Variants in DST observed in about 807,000 individuals in gnomAD.
DST encodes the protein bullous pemphigoid antigen.
Under a neutral mutation model 875.2 loss-of-function variants are expected in DST, and 253 were observed. The ratio of observed to expected loss-of-function variants is 0.29; its 90% confidence interval spans 0.26 to 0.32. The LOEUF is 0.32. Ranked by LOEUF, DST falls within the 10% of genes least tolerant of loss-of-function variation. The pLI is 1.00. For missense variants in DST, 8,287 were observed against 9,111.6 expected (o/e 0.91, Z 3.68); for synonymous variants, 3,124 against 3,197.1 (o/e 0.98, Z 0.77).
chr6:56,640,503 T>C lies in DST; in HGVS notation c.2130A>G (p.Ile710Met). 1 of 1,614,192 alleles carries C rather than the reference T, an allele frequency of 6.2e-7. No homozygotes were observed. Among genetic ancestry groups the C allele is most frequent in the Non-Finnish European group, 8.5e-7 (1 of 1,180,004 alleles). ...AGTTTAAACTTTGAGTGATTCCTGA[T>C]ATCATGAGCTTTGTCTGTTCTGTTG... ...ILTTEQTKLM[I>M]SGITQSLNSG... is the part of the protein sequence containing the mutation. The change falls in exon 18 of 104, where the codon ATA (isoleucine) becomes ATG (methionine). Residue 710 changes from isoleucine to methionine, a missense_variant. Physicochemically the swap from Ile to Met is conservative, Grantham distance 10 (BLOSUM62 1). Coordinates refer to ENST00000680361, the MANE Select transcript of DST (RefSeq NM_001374736.1).
intron 4 of DST, among the ~76,000 whole-genome samples, chr6:56,800,545 C>A (rs534486306): frequency 2.0e-5 from 3 of 152,182 alleles, no homozygotes; most frequent in Admixed American, 6.5e-5. Context: ...ATGAGAACAT[C>A]CCCAGCGAAA....
rs375128255 is a variant in DST at position 56,572,260 on chromosome 6, T to C, written c.13561A>G (p.Thr4521Ala). Residue 4521 changes from threonine to alanine, a missense_variant, in exon 53 of 104, where the codon ACT becomes GCT. Thr to Ala is a moderately conservative substitution (Grantham distance 58, BLOSUM62 0). Around this residue, in one of 10 missense-constraint regions of DST, gnomAD observed 1,513 missense variants for 1,677.8 expected, o/e 0.90. Transcript: ENST00000680361. Reference protein sequence around the residue: ...TELSQYMQESTSEFLEHKKHL... With the variant: ...TELSQYMQESASEFLEHKKHL... ...TTCTTGTGTTCTAAAAATTCAGAAG[T>C]TGATTCCTACAAAGCATTAAGATAT... is the stretch of plus-strand genomic sequence containing the variant. 8.3e-6 allele frequency: 13 copies of C among 1,556,918 alleles called. No individual in the cohort carries two copies. In the African/African-American group the frequency reaches 1.8e-4, roughly 21 times the overall value.
intron 4 of DST, among the ~76,000 whole-genome samples, chr6:56,784,389 C>T (rs1474837538): frequency 3.3e-5 from 5 of 152,218 alleles, no homozygotes; most frequent in Admixed American, 6.5e-5. Context: ...GGTCTTTTCA[C>T]ATAGTCCCAT....
chr6:56,871,776 T>TAAAAAAAAAAA (rs746142378), intron 3 of DST: 84 of 94,984 alleles, frequency 8.8e-4, no homozygotes, highest in Non-Finnish European at 1.2e-3. Flanking sequence ...CAATTAAAAG[T>TAAAAAAAAAAA]AAAAAAAAAA....
At chr6:56,616,747 T>A in intron 36 of DST, 1 of 1,614,204 alleles carries the variant, frequency 6.2e-7, no homozygotes, top group Non-Finnish European at 8.5e-7. Context: ...TATGTTTACC[T>A]TTTTGTCTGT....
rs574201663 is a variant in DST, at chr6:56,478,974, A to G, written c.21532-1486T>C. ...CAACAAAAGATAGAATCAACAGAGT[A>G]AACAGTTAACCTACAGAATGGGAGA... is the stretch of plus-strand genomic sequence containing the variant. On this transcript the variant is annotated intron_variant, in intron 90 of 103. Transcript: ENST00000680361. 3.3e-5 allele frequency among the ~76,000 whole-genome samples: 5 copies of G among 152,342 alleles called. No homozygotes were observed. The South Asian group carries it at 1.0e-3, about 32-fold the overall frequency.
rs9382664 is a variant in DST, at chr6:56,769,929, C to T, written c.626-34640G>A. 7.2e-4 allele frequency among the ~76,000 whole-genome samples: 110 copies of T among 152,236 alleles called. 2 individuals carry two copies. In the East Asian group the frequency reaches 8.5e-3, roughly 12 times the overall value. On this transcript the variant is annotated intron_variant, in intron 4 of 103. Transcript: ENST00000680361. The stretch of plus-strand genomic sequence containing the variant: ...ACTTCCAACATGGAGTTAACACATA[C>T]GAAAAGGATACTAAAAGTAGAAATA...
At chr6:56,477,260 A>G (rs1224415206) in intron 91 of DST, 85 bp downstream of exon 91, 1 of 1,429,144 alleles carries the variant, frequency 7.0e-7, no homozygotes, top group Non-Finnish European at 9.4e-7. Flanking sequence ...CCATGGCCAT[A>G]AGTGCATCTT....
At chr6:56,825,306 T>C (rs1486063558) in intron 4 of DST, among the ~76,000 whole-genome samples, 2 of 147,744 alleles carry the variant, frequency 1.4e-5, no homozygotes, top group Non-Finnish European at 3.0e-5. Flanking sequence ...GGCAGCATGC[T>C]CGTTAAGAGT....
At chr6:56,787,023 C>T (rs1345408712) in intron 4 of DST, among the ~76,000 whole-genome samples, 1 of 152,212 alleles carries the variant, frequency 6.6e-6, no homozygotes, top group Admixed American at 6.5e-5. Context: ...ATGTGCCAGG[C>T]ACCGTTTCAA....
At chr6:56,630,676 C>T (rs983315821) in intron 30 of DST, among the ~76,000 whole-genome samples, 1 of 152,130 alleles carries the variant, frequency 6.6e-6, no homozygotes, top group Non-Finnish European at 1.5e-5. Context: ...TGCTGAGCTA[C>T]CCAAATTACA....
intron 2 of DST, among the ~76,000 whole-genome samples, chr6:56,945,131 A>T (rs1562489854): frequency 6.6e-6 from 1 of 152,228 alleles, no homozygotes; most frequent in Admixed American, 6.5e-5. Flanking sequence ...TTAATAACCC[A>T]TTTTAAGTTG....
At chr6:56,610,387 G>T in intron 39 of DST, 40 bp downstream of exon 39, 1 of 1,470,268 alleles carries the variant, frequency 6.8e-7, no homozygotes, top group Non-Finnish European at 9.1e-7. Flanking sequence ...ATCAAACTAA[G>T]CTTCTTGAAA....
In DST at chr6:56,628,218, G is replaced by GA. The variant is rs1161525120; in HGVS notation, c.4476-58dup. The GA allele has an allele frequency of 1.1e-5, 16 of 1,477,242 alleles. No individual in the cohort carries two copies. In the African/African-American group the frequency reaches 1.8e-4, roughly 17 times the overall value. The allele number at this position is 1,477,242 out of a possible 1,614,324, so 91.5% of individuals were successfully genotyped here. On this transcript the variant is annotated intron_variant, in intron 32 of 103. Coordinates refer to ENST00000680361, the MANE Select transcript of DST (RefSeq NM_001374736.1). ...TCCAGCGATATCCATCAGGAGGGTGGAAGATGTAGAGATGGGAGAGACAAA... is the reference window on the plus strand; with the variant it reads ...TCCAGCGATATCCATCAGGAGGGTGGAAAGATGTAGAGATGGGAGAGACAAA...
chr6:56,953,862 T>C (rs751231919), intron 1 of DST, 43 bp from the exon 2 acceptor site: 11 of 1,284,008 alleles, frequency 8.6e-6, no homozygotes, highest in Non-Finnish European at 1.1e-5. Flanking sequence ...TAACTCCTTG[T>C]TCTTCACCTA....
intron 50 of DST, among the ~76,000 whole-genome samples, chr6:56,577,367 G>A (rs988529248): frequency 1.3e-5 from 2 of 151,926 alleles, no homozygotes; most frequent in Admixed American, 1.3e-4. Flanking sequence ...TGCTGCATTG[G>A]GACAGAGGAA....
intron 15 of DST, among the ~76,000 whole-genome samples, chr6:56,644,175 T>C (rs1185742072): frequency 2.0e-5 from 3 of 152,236 alleles, no homozygotes; most frequent in Admixed American, 2.0e-4. Flanking sequence ...CTGTATCCTC[T>C]GGAATACTTT....
In DST at chr6:56,954,592, C is replaced by T. The variant is rs776869083; in HGVS notation, c.-5G>A. On this transcript the variant is annotated 5_prime_UTR_variant, in exon 1 of 104. Coordinates refer to ENST00000680361, the MANE Select transcript of DST (RefSeq NM_001374736.1). Reference sequence around the variant, plus strand: ...GAGGAAAGCCGCGGCGATCATGGTGCGGGCGAGGCGAGGGCGACTCGACGG... The same window carrying T: ...GAGGAAAGCCGCGGCGATCATGGTGTGGGCGAGGCGAGGGCGACTCGACGG... 9 of 1,346,824 alleles carry T rather than the reference C, an allele frequency of 6.7e-6. No individual in the cohort carries two copies. In the Admixed American group the frequency reaches 1.6e-4, roughly 24 times the overall value. The allele number at this position is 1,346,824 out of a possible 1,614,324, so 83.4% of individuals were successfully genotyped here.
chr6:56,639,591 T>A lies in DST; in HGVS notation c.2718A>T (p.Glu906Asp). ...AKLLNTSRNQ[E>D]RHLDTLHNFV... Reference sequence around the variant, plus strand: ...AATTATGGAGTGTATCAAGGTGCCGTTCTTGATTCCTGGATGTATTCTTTA... The same window carrying A: ...AATTATGGAGTGTATCAAGGTGCCGATCTTGATTCCTGGATGTATTCTTTA... The change falls in exon 21 of 104, where the codon GAA becomes GAT. Residue 906 changes from glutamate to aspartate, a missense_variant. Physicochemically the swap from Glu to Asp is conservative, Grantham distance 45. Coordinates refer to ENST00000680361, the MANE Select transcript of DST (RefSeq NM_001374736.1). 1 of 1,613,920 alleles carries A rather than the reference T, an allele frequency of 6.2e-7. No homozygotes were observed. Among genetic ancestry groups the A allele is most frequent in the South Asian group, 1.1e-5 (1 of 91,070 alleles).
Sources: gnomAD v4.1 joint callset for allele counts (sites outside exome capture counted in the v4.1 genomes callset) on GRCh38, gnomAD v4.1.1 for gene constraint, gnomAD v4.1.1 regional missense constraint, MANE v1.5 for transcripts, NCBI Gene and HGNC (gene_info 2026-07-23, HGNC 2026-07-21) for gene names.